Variants in PCDH10 observed in about 807,000 individuals in gnomAD.
PCDH10 encodes the protein protocadherin-10.
In PCDH10, 15 loss-of-function variants were observed where a neutral mutation model predicts 74.4. That is an observed-to-expected ratio of 0.20 (90% confidence interval 0.13 to 0.31). The LOEUF is 0.31. Among genes scored for constraint, PCDH10 ranks in the 10% least tolerant of loss-of-function variants. The pLI is 1.00. For missense variants in PCDH10, 1,260 were observed against 1,390.2 expected (o/e 0.91, Z 1.49); for synonymous variants, 619 against 589.8 (o/e 1.05, Z -0.72).
At chr4:133,195,327 G>A (rs547793597), downstream of PCDH10, among the ~76,000 whole-genome samples, 74 of 152,044 alleles carry the variant, frequency 4.9e-4, no homozygotes, top group Non-Finnish European at 8.8e-4. Context: ...GGGGGAGGGT[G>A]TGGCTAGGTG....
Position 133,152,627 on chromosome 4 carries a change from C to T in PCDH10, c.2487C>T (p.Ser829=). 1 of 1,614,196 alleles carries T rather than the reference C, an allele frequency of 6.2e-7. No homozygotes were observed. The highest frequency in any genetic ancestry group is 8.5e-7 in the Non-Finnish European group (1 of 1,180,038). ...ATCAGGTATGCCTGACCCCTGAGTC[C>T]GCCAAGACCGACCTGATGTTTCTTA... ...YCYQVCLTPE[S]AKTDLMFLKP... is the part of the protein sequence containing the mutation. The change falls in exon 1 of 5, where the codon TCC becomes TCT. Residue 829 remains serine, a synonymous_variant. Coordinates refer to ENST00000264360, the MANE Select transcript of PCDH10 (RefSeq NM_032961.3).
At position 133,150,310 on chromosome 4, in the gene PCDH10, C is replaced by G; in HGVS notation, c.170C>G (p.Pro57Arg). The G allele has an allele frequency of 1.9e-6, 3 of 1,613,734 alleles. No individual in the cohort carries two copies. The highest frequency in any genetic ancestry group is 2.5e-6 in the Non-Finnish European group (3 of 1,179,920). ...KLSARGFQTV[P>R]NSRTPYLDLN... is the part of the protein sequence containing the mutation. Reference sequence around the variant, plus strand: ...TCGGCTCGCGGGTTTCAGACGGTGCCCAACTCAAGGACCCCTTACTTAGAC... The same window carrying G: ...TCGGCTCGCGGGTTTCAGACGGTGCGCAACTCAAGGACCCCTTACTTAGAC... Residue 57 changes from proline (P) to arginine (R), a missense_variant, in exon 1 of 5, where the codon CCC becomes CGC. Pro to Arg is a moderately radical substitution (Grantham distance 103). Coordinates refer to ENST00000264360, the MANE Select transcript of PCDH10 (RefSeq NM_032961.3).
chr4:133,152,878 A>C, intron 1 of PCDH10, 107 bp downstream of exon 1: 1 of 1,509,130 alleles, frequency 6.6e-7, no homozygotes, highest in Non-Finnish European at 8.9e-7. Flanking sequence ...TTAGGATATT[A>C]GCTTATGTGT....
downstream of PCDH10, among the ~76,000 whole-genome samples, chr4:133,199,418 A>G (rs1212747655): frequency 6.6e-6 from 1 of 151,364 alleles, no homozygotes; most frequent in Non-Finnish European, 1.5e-5. Flanking sequence ...CTAGGTAAGG[A>G]ACAAATGAAC....
chr4:133,157,058 A>G (rs1274057210), intron 3 of PCDH10, among the ~76,000 whole-genome samples: 1 of 152,170 alleles, frequency 6.6e-6, no homozygotes, highest in African/African-American at 2.4e-5. Context: ...ATTTTTTTGT[A>G]TCTTTAAGTT....
At chr4:133,168,509 T>C (rs1578566611) in intron 4 of PCDH10, among the ~76,000 whole-genome samples, 1 of 151,634 alleles carries the variant, frequency 6.6e-6, no homozygotes, top group African/African-American at 2.4e-5. Flanking sequence ...TCAAATTGAA[T>C]TGACTTTATT....
chr4:133,174,688 A>G (rs1252810967), intron 4 of PCDH10, among the ~76,000 whole-genome samples: 1 of 151,392 alleles, frequency 6.6e-6, no homozygotes, highest in Non-Finnish European at 1.5e-5. Flanking sequence ...TAGACAATTT[A>G]GAAATGCCTT....
intron 2 of PCDH10, among the ~76,000 whole-genome samples, chr4:133,200,368 TTTC>T (rs1376472719): frequency 6.6e-6 from 1 of 151,994 alleles, no homozygotes; most frequent in Non-Finnish European, 1.5e-5. Context: ...TGGCATTTTT[TTTC>T]TTTTTTTTTG....
Position 133,163,058 on chromosome 4 carries a change from C to G in PCDH10, c.2879C>G (p.Pro960Arg). ...CGGTGCTGGATGCCTTCTTTTGTCC[C>G]TTCTGATGGACGCCAGGCTGCTGAT... The part of the protein sequence containing the change: ...SDRCWMPSFV[P>R]SDGRQAADYR... Residue 960 changes from proline to arginine, a missense_variant, in exon 4 of 5, where the codon CCT becomes CGT. Transcript: ENST00000264360. 1 of 1,614,108 alleles carries G rather than the reference C, an allele frequency of 6.2e-7. No individual in the cohort carries two copies. The highest frequency in any genetic ancestry group is 8.5e-7 in the Non-Finnish European group (1 of 1,179,990).
intron 2 of PCDH10, 119 bp downstream of exon 2, chr4:133,154,484 G>C: frequency 1.7e-6 from 1 of 592,592 alleles, no homozygotes; most frequent in Non-Finnish European, 3.0e-6. Context: ...ATTAAGGCAG[G>C]ACATAAATAT....
chr4:133,172,080 A>G (rs1727214645), intron 4 of PCDH10, among the ~76,000 whole-genome samples: 1 of 152,044 alleles, frequency 6.6e-6, no homozygotes. Context: ...ATAGTGTACT[A>G]AATCTTCCAT....
intron 2 of PCDH10, among the ~76,000 whole-genome samples, chr4:133,206,045 G>A (rs937484422): frequency 1.8e-4 from 27 of 152,204 alleles, no homozygotes; most frequent in East Asian, 1.5e-3. Context: ...TGTGTGGAGG[G>A]CTTTTTGAGT....
downstream of PCDH10, among the ~76,000 whole-genome samples, chr4:133,197,602 G>A (rs978256867): frequency 2.0e-5 from 3 of 152,100 alleles, no homozygotes; most frequent in Non-Finnish European, 4.4e-5. Context: ...GATCCATAAT[G>A]AAAATATTGT....
chr4:133,197,999 GT>G (rs1727827117), downstream of PCDH10, among the ~76,000 whole-genome samples: 1 of 151,228 alleles, frequency 6.6e-6, no homozygotes, highest in African/African-American at 2.4e-5. Flanking sequence ...GTGTGTGTGT[GT>G]GTGTGTGATT....
intron 3 of PCDH10, among the ~76,000 whole-genome samples, chr4:133,156,196 A>G (rs1726860404): frequency 6.6e-6 from 1 of 152,202 alleles, no homozygotes; most frequent in Non-Finnish European, 1.5e-5. Context: ...AGGGCAGCGT[A>G]CACCCCATGG....
At chr4:133,167,847 T>A (rs1386998336) in intron 4 of PCDH10, among the ~76,000 whole-genome samples, 1 of 151,416 alleles carries the variant, frequency 6.6e-6, no homozygotes, top group East Asian at 1.9e-4. Context: ...TATCCAGGAA[T>A]TATGAATAAA....
At chr4:133,157,131 C>T (rs889436795) in intron 3 of PCDH10, among the ~76,000 whole-genome samples, 4 of 152,098 alleles carry the variant, frequency 2.6e-5, no homozygotes, top group East Asian at 1.9e-4. Context: ...AGTAGTTACA[C>T]GGCAGCCACA....
intron 4 of PCDH10, among the ~76,000 whole-genome samples, chr4:133,176,322 A>G (rs1203916776): frequency 2.0e-5 from 3 of 152,008 alleles, no homozygotes; most frequent in Non-Finnish European, 4.4e-5. Context: ...AATTTCTTTA[A>G]CCTTCCTATA....
chr4:133,201,261 G>A (rs1228595410), intron 2 of PCDH10, among the ~76,000 whole-genome samples: 3 of 152,088 alleles, frequency 2.0e-5, no homozygotes, highest in African/African-American at 7.2e-5. Flanking sequence ...AGAAAAATAG[G>A]AAGGCATGTA....
Sources: gnomAD v4.1 joint callset for allele counts (sites outside exome capture counted in the v4.1 genomes callset) on GRCh38, gnomAD v4.1.1 for gene constraint, MANE v1.5 for transcripts, NCBI Gene and HGNC (gene_info 2026-07-23, HGNC 2026-07-21) for gene names.